MTHFD2L: variants seen among roughly 807,000 people sequenced by gnomAD.
MTHFD2L encodes the protein bifunctional methylenetetrahydrofolate dehydrogenase/cyclohydrolase 2, mitochondrial.
Under a neutral mutation model 34.9 loss-of-function variants are expected in MTHFD2L, and 29 were observed. That is an observed-to-expected ratio of 0.83 (90% CI 0.62 to 1.13). The LOEUF is 1.13. Ranked by LOEUF, MTHFD2L falls within the 50% of genes most tolerant of loss-of-function variation. The pLI, the probability that MTHFD2L is intolerant of heterozygous loss-of-function variation, is 0.00. For missense variants in MTHFD2L, 481 were observed against 446.5 expected (o/e 1.08, Z -0.70); for synonymous variants, 167 against 155.7 (o/e 1.07, Z -0.54).
At chr4:74,215,483 G>A (rs985688701) in intron 5 of MTHFD2L, among the ~76,000 whole-genome samples, 1 of 151,694 alleles carries the variant, frequency 6.6e-6, no homozygotes, top group Non-Finnish European at 1.5e-5. Flanking sequence ...CCTGGGTGAG[G>A]TGATGCCCCA....
intron 3 of MTHFD2L, among the ~76,000 whole-genome samples, chr4:74,193,674 A>G (rs1732970748): frequency 6.6e-6 from 1 of 152,050 alleles, no homozygotes; most frequent in African/African-American, 2.4e-5. Flanking sequence ...GCATTTTATG[A>G]TTTGTCAGCT....
chr4:74,119,691 G>C (rs1159222522), upstream of MTHFD2L, among the ~76,000 whole-genome samples: 4 of 152,092 alleles, frequency 2.6e-5, no homozygotes, highest in East Asian at 7.7e-4. Flanking sequence ...GCTGAAGCAG[G>C]AGAATGGCGT....
intron 5 of MTHFD2L, among the ~76,000 whole-genome samples, chr4:74,202,611 T>C (rs1464266977): frequency 6.6e-6 from 1 of 152,236 alleles, no homozygotes; most frequent in Non-Finnish European, 1.5e-5. Context: ...GTCTGCTAAA[T>C]TCTGCATCTT....
intron 6 of MTHFD2L, among the ~76,000 whole-genome samples, chr4:74,227,935 A>C (rs1332213265): frequency 1.3e-5 from 2 of 152,178 alleles, no homozygotes; most frequent in Non-Finnish European, 2.9e-5. Flanking sequence ...ACATAGTTTC[A>C]ATCAAATTTA....
intron 1 of MTHFD2L, among the ~76,000 whole-genome samples, chr4:74,162,716 T>C (rs1482236244): frequency 1.3e-5 from 2 of 152,148 alleles, no homozygotes; most frequent in South Asian, 4.1e-4. Flanking sequence ...ATAGACACTA[T>C]TACTATTCCC....
intron 2 of MTHFD2L, among the ~76,000 whole-genome samples, chr4:74,117,685 G>A (rs1224328413): frequency 4.6e-5 from 7 of 152,342 alleles, no homozygotes; most frequent in African/African-American, 1.7e-4. Flanking sequence ...AGTCCATGCA[G>A]CAACTTCCCT....
At chr4:74,176,367 C>T (rs1407119370) in intron 3 of MTHFD2L, among the ~76,000 whole-genome samples, 1 of 152,018 alleles carries the variant, frequency 6.6e-6, no homozygotes, top group African/African-American at 2.4e-5. Flanking sequence ...CTAGGTTTCT[C>T]TTGTCTTTGT....
At chr4:74,177,175 C>G (rs1169785661) in intron 3 of MTHFD2L, among the ~76,000 whole-genome samples, 1 of 151,746 alleles carries the variant, frequency 6.6e-6, no homozygotes, top group Non-Finnish European at 1.5e-5. Context: ...AAAAAAAATT[C>G]AACACGTGCA....
At chr4:74,122,999 G>T (rs1194237178), upstream of MTHFD2L, among the ~76,000 whole-genome samples, 1 of 152,132 alleles carries the variant, frequency 6.6e-6, no homozygotes, top group Non-Finnish European at 1.5e-5. Context: ...TTATTTCAAA[G>T]TATGAATGCT....
At chr4:74,262,999 C>T (rs986593030) in intron 6 of MTHFD2L, among the ~76,000 whole-genome samples, 5 of 151,946 alleles carry the variant, frequency 3.3e-5, no homozygotes, top group Non-Finnish European at 7.4e-5. Context: ...TATCTCTCAA[C>T]TCACCAAGTT....
At chr4:74,194,060 T>C (rs1031210946) in intron 3 of MTHFD2L, 9 of 152,168 alleles carry the variant, frequency 5.9e-5, no homozygotes, top group African/African-American at 1.9e-4. Flanking sequence ...CTGTATCAGA[T>C]TGGGGACTTA....
chr4:74,300,870 A>G (rs73824457), intron 7 of MTHFD2L, among the ~76,000 whole-genome samples: 6,633 of 152,184 alleles, frequency 0.044, 444 homozygotes, highest in African/African-American at 0.15. Flanking sequence ...CAGAACACTT[A>G]CATTAGCCTA....
At chr4:74,135,995 A>G (rs925509489) in intron 1 of MTHFD2L, among the ~76,000 whole-genome samples, 10 of 152,162 alleles carry the variant, frequency 6.6e-5, no homozygotes, top group African/African-American at 2.2e-4. Flanking sequence ...AATAAAAGCC[A>G]TCTATGACAA....
In MTHFD2L at chr4:74,175,365, CAA is replaced by C. The variant is rs1728831787; in HGVS notation, c.414_415del (p.Arg139SerfsTer15). ...GTAACTGATCAATTGAATATGGACC[CAA>C]GAGTCAGCGGTATATTAGTTCAGTT... On this transcript the variant is annotated frameshift_variant, in exon 3 of 8. Transcript: ENST00000325278. LOFTEE classifies it high-confidence loss of function. The C allele has an allele frequency of 6.2e-7, 1 of 1,612,700 alleles. No individual in the cohort carries two copies. The highest frequency in any genetic ancestry group is 1.3e-5 in the African/African-American group (1 of 74,988).
chr4:74,144,485 C>CA (rs1723469177), intron 1 of MTHFD2L, among the ~76,000 whole-genome samples: 1 of 152,016 alleles, frequency 6.6e-6, no homozygotes, highest in East Asian at 1.9e-4. Flanking sequence ...AGCTAACAAA[C>CA]AAAAATAATT....
intron 6 of MTHFD2L, among the ~76,000 whole-genome samples, chr4:74,247,005 A>G (rs973349099): frequency 1.3e-5 from 2 of 150,246 alleles, no homozygotes; most frequent in African/African-American, 2.4e-5. Context: ...GTTTTTTCCA[A>G]TTCTGTGAAG....
At chr4:74,146,496 C>T (rs1267594913) in intron 1 of MTHFD2L, among the ~76,000 whole-genome samples, 2 of 152,168 alleles carry the variant, frequency 1.3e-5, no homozygotes, top group Non-Finnish European at 2.9e-5. Context: ...ACTATATACA[C>T]ATTAACAATA....
In MTHFD2L at chr4:74,189,417, AC is replaced by A. The variant is rs750432647; in HGVS notation, c.452-10375del. Reference sequence around the variant, plus strand: ...ATGAGCAAGGGGAAGAAAAGTGAAGACCACTCTCTTGCATGTAAAGTATGTT... The same window carrying A: ...ATGAGCAAGGGGAAGAAAAGTGAAGACACTCTCTTGCATGTAAAGTATGTT... On this transcript the variant is annotated intron_variant, in intron 3 of 7. Transcript: ENST00000325278. Among the ~76,000 whole-genome samples, 113 of 151,138 alleles carry A rather than the reference AC, an allele frequency of 7.5e-4. 1 individual carries two copies. Among genetic ancestry groups the A allele is most frequent in the Non-Finnish European group, 1.5e-3 (104 of 67,924 alleles).
intron 6 of MTHFD2L, among the ~76,000 whole-genome samples, chr4:74,246,391 T>C (rs1742452186): frequency 6.6e-6 from 1 of 151,920 alleles, no homozygotes; most frequent in Non-Finnish European, 1.5e-5. Context: ...CTTTGTCAGA[T>C]GAGTAGGTTG....
Sources: gnomAD v4.1 joint callset for allele counts (sites outside exome capture counted in the v4.1 genomes callset) on GRCh38, gnomAD v4.1.1 for gene constraint, MANE v1.5 for transcripts, NCBI Gene and HGNC (gene_info 2026-07-23, HGNC 2026-07-21) for gene names.